The following CCDC7 variants were observed in gnomAD, a reference collection of about 807,000 sequenced individuals.
The protein encoded by CCDC7 is coiled-coil domain-containing protein 7.
In CCDC7, 183 loss-of-function variants were observed where a neutral mutation model predicts 196.9. The ratio of observed to expected loss-of-function variants is 0.93; its 90% CI spans 0.82 to 1.05. The LOEUF (loss-of-function observed/expected upper bound fraction) is 1.05, where lower values mean the gene tolerates loss of function less well. CCDC7 is among the 50% of genes least tolerant of loss of function. The pLI, the probability that CCDC7 is intolerant of heterozygous loss-of-function variation, is 0.00. For synonymous variants in CCDC7, 525 were observed against 484.6 expected, an observed-to-expected ratio of 1.08 and a Z score of -1.10; for missense variants, 1,540 against 1,482.2, an observed-to-expected ratio of 1.04 and a Z score of -0.64.
intron 33 of CCDC7, among the ~76,000 whole-genome samples, chr10:32,839,017 C>T (rs1487242485): frequency 1.3e-5 from 2 of 151,740 alleles, no homozygotes; most frequent in African/African-American, 4.8e-5. Context: ...TCAAAATACA[C>T]CAAAATAGAA....
chr10:32,783,407 A>G (rs138113345), intron 29 of CCDC7, among the ~76,000 whole-genome samples: 2 of 152,332 alleles, frequency 1.3e-5, no homozygotes, highest in East Asian at 3.9e-4. Context: ...TAAAAAAGAT[A>G]CTTAGCATCA....
intron 31 of CCDC7, among the ~76,000 whole-genome samples, chr10:32,821,999 T>TG (rs1172105819): frequency 1.0e-5 from 1 of 99,872 alleles, no homozygotes; most frequent in African/African-American, 2.6e-5. Context: ...ATAAAAGTGC[T>TG]GAAAAAAAAA....
intron 13 of CCDC7, among the ~76,000 whole-genome samples, chr10:32,556,491 T>C (rs1299919417): frequency 6.6e-6 from 1 of 152,162 alleles, no homozygotes; most frequent in African/African-American, 2.4e-5. Context: ...TTTTCTTATT[T>C]CTTTCGTCAT....
chr10:32,609,699 C>T (rs968367500), intron 18 of CCDC7, among the ~76,000 whole-genome samples: 1 of 152,072 alleles, frequency 6.6e-6, no homozygotes, highest in Non-Finnish European at 1.5e-5. Flanking sequence ...TATAATGGGG[C>T]AAATTTCCTA....
chr10:32,824,465 A>G (rs2090800698), intron 31 of CCDC7, 53 bp from the exon 33 acceptor site: 5 of 1,142,792 alleles, frequency 4.4e-6, no homozygotes, highest in Non-Finnish European at 2.6e-6. Context: ...GCACACACAC[A>G]TGTTAATATT....
chr10:32,495,904 G>A (rs1248851945), intron 9 of CCDC7, among the ~76,000 whole-genome samples: 1 of 152,116 alleles, frequency 6.6e-6, no homozygotes, highest in Non-Finnish European at 1.5e-5. Context: ...TGAATTTAAA[G>A]TAGTTTTTTT....
chr10:32,511,150 T>TAATG (rs1453373368), intron 9 of CCDC7, among the ~76,000 whole-genome samples: 1 of 136,300 alleles, frequency 7.3e-6, no homozygotes, highest in Non-Finnish European at 1.5e-5. Context: ...TCAATAAAGA[T>TAATG]AATGATCTTT....
intron 31 of CCDC7, among the ~76,000 whole-genome samples, chr10:32,817,009 A>G (rs1189979166): frequency 6.6e-6 from 1 of 152,246 alleles, no homozygotes; most frequent in South Asian, 2.1e-4. Flanking sequence ...GAGTTGAGAG[A>G]AGAAGGCTTC....
At chr10:32,829,116 T>C (rs2091824787) in intron 32 of CCDC7, among the ~76,000 whole-genome samples, 1 of 152,176 alleles carries the variant, frequency 6.6e-6, no homozygotes, top group Non-Finnish European at 1.5e-5. Context: ...AGGAAGAGTA[T>C]GCATGGAATA....
chr10:32,533,098 A>T (rs994826468), intron 11 of CCDC7, among the ~76,000 whole-genome samples: 2 of 151,716 alleles, frequency 1.3e-5, no homozygotes, highest in Non-Finnish European at 2.9e-5. Flanking sequence ...GTTCTGATTT[A>T]TTGCTTTTGA....
intron 24 of CCDC7, among the ~76,000 whole-genome samples, chr10:32,704,148 C>T (rs1319511865): frequency 5.3e-5 from 8 of 152,138 alleles, no homozygotes; most frequent in African/African-American, 1.7e-4. Context: ...TTGTTATCTA[C>T]CTTTGGTATT....
chr10:32,694,974 A>G (rs757879973), exon 24 of CCDC7: 7 of 1,588,650 alleles, frequency 4.4e-6, no homozygotes. Flanking sequence ...AAAACTTCCT[A>G]GAGAGAAAAG....
intron 8 of CCDC7, 65 bp downstream of exon 9, chr10:32,474,088 TA>T: frequency 1.3e-6 from 2 of 1,533,034 alleles, no homozygotes; most frequent in South Asian, 1.2e-5. Context: ...TTCTATAAAG[TA>T]ATAATTATTA....
chr10:32,750,969 A>T (rs1033428199), intron 28 of CCDC7, among the ~76,000 whole-genome samples: 3 of 152,172 alleles, frequency 2.0e-5, no homozygotes, highest in Non-Finnish European at 4.4e-5. Flanking sequence ...CAGAGGATAA[A>T]AGGGGGTAGT....
intron 20 of CCDC7, 145 bp from the exon 22 acceptor site, chr10:32,663,909 G>A (rs1459636095): frequency 1.7e-5 from 6 of 346,330 alleles, no homozygotes; most frequent in African/African-American, 4.2e-5. Context: ...CTATTTTCAT[G>A]TCAGATCTAG....
chr10:32,654,597 G>A (rs1262396719), intron 20 of CCDC7, among the ~76,000 whole-genome samples: 1 of 152,166 alleles, frequency 6.6e-6, no homozygotes. Flanking sequence ...TGACTAGACA[G>A]AGATTTCCTT....
chr10:32,507,077 C>T (rs2045299250), intron 9 of CCDC7, among the ~76,000 whole-genome samples: 1 of 152,096 alleles, frequency 6.6e-6, no homozygotes, highest in Non-Finnish European at 1.5e-5. Context: ...ACTGCAACTT[C>T]TGCCTCCCGG....
chr10:32,784,770 G>C (rs1309296190), intron 29 of CCDC7, among the ~76,000 whole-genome samples: 1 of 152,140 alleles, frequency 6.6e-6, no homozygotes, highest in African/African-American at 2.4e-5. Context: ...GGGAGGCTGA[G>C]GAGAGTAGAT....
exon 6 of CCDC7, chr10:32,471,150 T>C: frequency 6.2e-7 from 1 of 1,612,918 alleles, no homozygotes; most frequent in South Asian, 1.1e-5. Context: ...TAGTAAGGCT[T>C]GTACAAAGAT....
Sources: allele counts gnomAD v4.1 joint callset (sites outside exome capture counted in the v4.1 genomes callset), GRCh38; gene constraint gnomAD v4.1.1; transcripts MANE v1.5; gene names NCBI Gene and HGNC (gene_info 2026-07-23, HGNC 2026-07-21).